The following MARCHF11 variants were observed in gnomAD, a reference collection of about 807,000 sequenced individuals.
MARCHF11 encodes the protein membrane associated ring-CH-type finger 11.
MARCHF11 carries 29 observed loss-of-function variants against 37.3 expected under a neutral mutation model. That is an observed-to-expected ratio of 0.78 (90% CI 0.58 to 1.06). The LOEUF is 1.06. Among genes scored for constraint, MARCHF11 ranks in the 50% least tolerant of loss-of-function variants. The pLI is 0.00. For synonymous variants in MARCHF11, 233 were observed against 228.0 expected, an observed-to-expected ratio of 1.02 and a Z score of -0.20; for missense variants, 482 against 533.4, an observed-to-expected ratio of 0.90 and a Z score of 0.95.
At chr5:16,084,804 T>C (rs1464793338) in intron 3 of MARCHF11, among the ~76,000 whole-genome samples, 1 of 151,896 alleles carries the variant, frequency 6.6e-6, no homozygotes, top group African/African-American at 2.4e-5. Context: ...TAAGAAGATA[T>C]TTTTATCTGA....
At chr5:16,099,065 T>G (rs942564867) in intron 2 of MARCHF11, among the ~76,000 whole-genome samples, 1 of 152,042 alleles carries the variant, frequency 6.6e-6, no homozygotes, top group African/African-American at 2.4e-5. Flanking sequence ...TTAAGCTTAA[T>G]AAAAGCCATT....
At chr5:16,086,462 A>C (rs530373453) in intron 3 of MARCHF11, among the ~76,000 whole-genome samples, 5 of 152,352 alleles carry the variant, frequency 3.3e-5, no homozygotes, top group South Asian at 4.1e-4. Context: ...AGACCAAAGC[A>C]ATCCGTGTTT....
At chr5:16,163,848 G>A (rs1343192206) in intron 2 of MARCHF11, among the ~76,000 whole-genome samples, 1 of 152,050 alleles carries the variant, frequency 6.6e-6, no homozygotes, top group African/African-American at 2.4e-5. Flanking sequence ...TGGGATTAGG[G>A]CCTTTATAAA....
At chr5:16,121,607 G>C (rs1233547217) in intron 2 of MARCHF11, among the ~76,000 whole-genome samples, 3 of 152,218 alleles carry the variant, frequency 2.0e-5, no homozygotes, top group African/African-American at 7.2e-5. Flanking sequence ...TGACATTTGA[G>C]TGGATACCTG....
chr5:16,097,769 C>T (rs937224632), intron 2 of MARCHF11, among the ~76,000 whole-genome samples: 6 of 152,176 alleles, frequency 3.9e-5, no homozygotes, highest in Non-Finnish European at 8.8e-5. Context: ...TTAAAGACAA[C>T]ATTTTATCAA....
At chr5:16,116,559 T>C (rs763115497) in intron 2 of MARCHF11, among the ~76,000 whole-genome samples, 1 of 152,166 alleles carries the variant, frequency 6.6e-6, no homozygotes, top group Non-Finnish European at 1.5e-5. Context: ...TGCTGTGCTA[T>C]TGGTTTCACT....
chr5:16,150,601 A>T (rs1487165504), intron 2 of MARCHF11, among the ~76,000 whole-genome samples: 1 of 150,792 alleles, frequency 6.6e-6, no homozygotes, highest in Non-Finnish European at 1.5e-5. Flanking sequence ...CATGGTTTTT[A>T]TCCGGTATTA....
intron 2 of MARCHF11, among the ~76,000 whole-genome samples, chr5:16,105,984 C>T (rs1737033028): frequency 6.6e-6 from 1 of 152,086 alleles, no homozygotes; most frequent in South Asian, 2.1e-4. Flanking sequence ...AAGATCATGG[C>T]ATGGGAAACA....
chr5:16,115,710 C>A (rs1737217761), intron 2 of MARCHF11, among the ~76,000 whole-genome samples: 1 of 151,750 alleles, frequency 6.6e-6, no homozygotes, highest in African/African-American at 2.4e-5. Flanking sequence ...TCACTGCAAC[C>A]TCCACTTCCC....
At chr5:16,078,518 G>A (rs1384956610) in intron 3 of MARCHF11, among the ~76,000 whole-genome samples, 1 of 152,118 alleles carries the variant, frequency 6.6e-6, no homozygotes, top group Non-Finnish European at 1.5e-5. Context: ...CTGCCCTGCT[G>A]GTGCCCACGG....
intron 2 of MARCHF11, among the ~76,000 whole-genome samples, chr5:16,096,016 G>C (rs1736862332): frequency 6.6e-6 from 1 of 152,176 alleles, no homozygotes; most frequent in Admixed American, 6.5e-5. Context: ...CTCTGGCCAA[G>C]CCACCAGTTA....
At chr5:16,069,522 A>C (rs1736400972) in intron 3 of MARCHF11, among the ~76,000 whole-genome samples, 1 of 152,180 alleles carries the variant, frequency 6.6e-6, no homozygotes, top group South Asian at 2.1e-4. Flanking sequence ...AAAATAACAG[A>C]GAATTTATTA....
chr5:16,152,844 C>T (rs1312577114), intron 2 of MARCHF11, among the ~76,000 whole-genome samples: 2 of 151,938 alleles, frequency 1.3e-5, no homozygotes. Flanking sequence ...GATTAAGCAC[C>T]AATAATGTCA....
intron 1 of MARCHF11, among the ~76,000 whole-genome samples, chr5:16,178,728 T>C (rs1738406388): frequency 6.6e-6 from 1 of 152,146 alleles, no homozygotes; most frequent in Non-Finnish European, 1.5e-5. Flanking sequence ...CCAAAATCCA[T>C]CGAATAATTC....
chr5:16,128,159 G>A (rs866580382), intron 2 of MARCHF11, among the ~76,000 whole-genome samples: 1 of 152,098 alleles, frequency 6.6e-6, no homozygotes, highest in South Asian at 2.1e-4. Context: ...CAGGCTACCT[G>A]TATTTTTATT....
rs1007322258 is a variant in MARCHF11 at position 16,067,429 on chromosome 5, A to G, written c.*42T>C. 5 of 1,559,308 alleles carry G rather than the reference A, an allele frequency of 3.2e-6. No individual in the cohort carries two copies. In the Admixed American group the frequency reaches 7.1e-5, roughly 22 times the overall value. ...TGCCATTCACTGCAATTACATTGCA[A>G]AATGTGCAGGGTGGTCCACACTGCA... On this transcript the variant is annotated 3_prime_UTR_variant, in exon 4 of 4. Coordinates refer to ENST00000332432, the MANE Select transcript of MARCHF11 (RefSeq NM_001102562.3).
At chr5:16,174,706 A>G (rs1738326492) in intron 2 of MARCHF11, among the ~76,000 whole-genome samples, 2 of 152,182 alleles carry the variant, frequency 1.3e-5, no homozygotes, top group Non-Finnish European at 2.9e-5. Flanking sequence ...TTTAGTTCAG[A>G]GTGCTGGAAG....
intron 2 of MARCHF11, among the ~76,000 whole-genome samples, chr5:16,114,658 T>C (rs900702137): frequency 6.6e-6 from 1 of 151,226 alleles, no homozygotes; most frequent in Non-Finnish European, 1.5e-5. Flanking sequence ...TTAGAAGCTT[T>C]ACTTTTTTTT....
intron 2 of MARCHF11, among the ~76,000 whole-genome samples, chr5:16,132,534 C>A (rs1161762368): frequency 2.0e-5 from 3 of 152,084 alleles, no homozygotes. Flanking sequence ...GTTTAAAAGG[C>A]AAACTACCAG....
Sources: gnomAD v4.1 joint callset for allele counts (sites outside exome capture counted in the v4.1 genomes callset) on GRCh38, gnomAD v4.1.1 for gene constraint, MANE v1.5 for transcripts, NCBI Gene and HGNC (gene_info 2026-07-23, HGNC 2026-07-21) for gene names.